LARGE1: variants seen among roughly 807,000 people sequenced by gnomAD.
LARGE1 encodes xylosyl- and glucuronyltransferase LARGE1.
In LARGE1, 43 loss-of-function variants were observed where a neutral mutation model predicts 87.6. That is an observed-to-expected ratio of 0.49 (90% CI 0.38 to 0.63). LARGE1 has a LOEUF of 0.63. LARGE1 is among the 30% of genes least tolerant of loss of function. The pLI, the probability that LARGE1 is intolerant of heterozygous loss-of-function variation, is 0.00. For synonymous variants in LARGE1, 434 were observed against 394.6 expected (o/e 1.10, Z -1.18); for missense variants, 802 against 1,000.2 (o/e 0.80, Z 2.67).
chr22:33,556,262 GTTT>G (rs2077673527), intron 6 of LARGE1, among the ~76,000 whole-genome samples: 1 of 151,966 alleles, frequency 6.6e-6, no homozygotes, highest in Non-Finnish European at 1.5e-5. Context: ...TTCAGCCCAG[GTTT>G]TGCCACTAAC....
chr22:33,575,336 A>G (rs978651894), intron 5 of LARGE1, among the ~76,000 whole-genome samples: 1 of 152,204 alleles, frequency 6.6e-6, no homozygotes, highest in Non-Finnish European at 1.5e-5. Flanking sequence ...TTTCTCAAAT[A>G]TTAATAAAAG....
intron 6 of LARGE1, among the ~76,000 whole-genome samples, chr22:33,465,173 G>A (rs912228786): frequency 1.3e-4 from 20 of 152,284 alleles, no homozygotes; most frequent in South Asian, 6.2e-4. Flanking sequence ...TCTCACTAAC[G>A]TAATTTGAGC....
chr22:33,572,824 C>T (rs962176918), intron 5 of LARGE1, among the ~76,000 whole-genome samples: 1 of 151,966 alleles, frequency 6.6e-6, no homozygotes, highest in African/African-American at 2.4e-5. Context: ...GAGCCAAGAT[C>T]GTGCCACTAC....
At chr22:33,358,947 G>A (rs1452318929) in intron 9 of LARGE1, among the ~76,000 whole-genome samples, 1 of 151,176 alleles carries the variant, frequency 6.6e-6, no homozygotes, top group East Asian at 1.9e-4. Flanking sequence ...GAAGTGAGCC[G>A]AGACTGCACT....
intron 7 of LARGE1, among the ~76,000 whole-genome samples, chr22:33,401,003 G>A (rs970790189): frequency 2.0e-5 from 3 of 152,116 alleles, no homozygotes; most frequent in Non-Finnish European, 4.4e-5. Flanking sequence ...CTGGTGGCTG[G>A]TTCCTGATCG....
chr22:33,758,100 C>T (rs1460796774), intron 2 of LARGE1, among the ~76,000 whole-genome samples: 3 of 152,204 alleles, frequency 2.0e-5, no homozygotes, highest in Non-Finnish European at 2.9e-5. Context: ...GCATGATCCT[C>T]ATTATGAGGA....
intron 4 of LARGE1, among the ~76,000 whole-genome samples, chr22:33,612,834 T>A (rs1167588700): frequency 6.6e-6 from 1 of 152,106 alleles, no homozygotes; most frequent in Non-Finnish European, 1.5e-5. Flanking sequence ...TTTAACCTGG[T>A]TACAGAGCAG....
At chr22:33,309,643 C>A (rs1935342905) in intron 11 of LARGE1, among the ~76,000 whole-genome samples, 1 of 152,150 alleles carries the variant, frequency 6.6e-6, no homozygotes, top group African/African-American at 2.4e-5. Context: ...TTCCATTGTT[C>A]ATATATCAAA....
chr22:33,292,953 T>C (rs1932800672), intron 12 of LARGE1, among the ~76,000 whole-genome samples: 2 of 152,204 alleles, frequency 1.3e-5, no homozygotes, highest in Admixed American at 1.3e-4. Context: ...CATCAATTAA[T>C]GAATATTAAT....
chr22:33,532,744 C>G (rs2076935058), intron 6 of LARGE1, among the ~76,000 whole-genome samples: 1 of 152,188 alleles, frequency 6.6e-6, no homozygotes, highest in African/African-American at 2.4e-5. Flanking sequence ...AGAATGCAAG[C>G]AAGAATTCAG....
chr22:33,185,064 G>A (rs137387), intron 11 of LARGE1, among the ~76,000 whole-genome samples: 68,905 of 151,858 alleles, frequency 0.45, 15,969 homozygotes, highest in Middle Eastern at 0.51. Context: ...ATTTATCTAA[G>A]TGAATTAAAA....
chr22:33,552,992 C>A (rs377162589), intron 6 of LARGE1, among the ~76,000 whole-genome samples: 2 of 152,300 alleles, frequency 1.3e-5, no homozygotes, highest in East Asian at 3.9e-4. Flanking sequence ...CCTGTACTTT[C>A]CCCACTGAGA....
chr22:33,277,248 C>G lies in LARGE1; in HGVS notation c.1885G>C (p.Val629Leu). 6.2e-7 allele frequency: 1 copy of G among 1,614,142 alleles called. No individual in the cohort carries two copies. Among genetic ancestry groups the G allele is most frequent in the Non-Finnish European group, 8.5e-7 (1 of 1,180,004 alleles). ...MGTLFTFRYH[V>L]WTKGHAPTNF... ...GTGGGTGCGTGGCCTTTCGTCCAGACGTGGTACCTGAGACACACGGAGAAA... is the reference window on the plus strand; with the variant it reads ...GTGGGTGCGTGGCCTTTCGTCCAGAGGTGGTACCTGAGACACACGGAGAAA... The change falls in exon 14 of 15, where the codon GTC becomes CTC. Residue 629 changes from valine (V) to leucine (L), a missense_variant. By Grantham distance (32) the Val-to-Leu change is conservative (BLOSUM62 1). This residue lies in a region of LARGE1 where 625 missense variants were observed against 841.9 expected (regional missense o/e 0.74). Transcript: ENST00000397394.
At chr22:33,569,570 A>G (rs1602486893) in intron 5 of LARGE1, among the ~76,000 whole-genome samples, 1 of 152,342 alleles carries the variant, frequency 6.6e-6, no homozygotes, top group Non-Finnish European at 1.5e-5. Flanking sequence ...GGAAAGAACA[A>G]GTGGTAAGAA....
At chr22:33,859,957 G>A (rs910418554) in intron 1 of LARGE1, among the ~76,000 whole-genome samples, 2 of 152,140 alleles carry the variant, frequency 1.3e-5, no homozygotes, top group African/African-American at 4.8e-5. Context: ...CTTGCCAGGG[G>A]CTGGGAGGAG....
chr22:33,120,147 T>G, the LARGE1 span, among the ~76,000 whole-genome samples: 1 of 152,192 alleles, frequency 6.6e-6, no homozygotes, highest in South Asian at 2.1e-4. Flanking sequence ...AGTAAATATA[T>G]ATACATACAC....
At chr22:33,073,653 G>C in the LARGE1 span, among the ~76,000 whole-genome samples, 2 of 151,890 alleles carry the variant, frequency 1.3e-5, no homozygotes, top group African/African-American at 4.8e-5. Context: ...GGATCTCTGA[G>C]CCTGGCTTCC....
At chr22:33,795,151 T>A (rs1344715357) in intron 1 of LARGE1, among the ~76,000 whole-genome samples, 1 of 152,216 alleles carries the variant, frequency 6.6e-6, no homozygotes, top group African/African-American at 2.4e-5. Context: ...TAATCTGGTA[T>A]AAATTAATCC....
chr22:33,906,464 TGAG>T (rs2065460110), intron 1 of LARGE1, among the ~76,000 whole-genome samples: 1 of 152,230 alleles, frequency 6.6e-6, no homozygotes, highest in African/African-American at 2.4e-5. Context: ...CTTTATTGCT[TGAG>T]CAAATAACCT....
Sources: allele counts gnomAD v4.1 joint callset (sites outside exome capture counted in the v4.1 genomes callset), GRCh38; gene constraint gnomAD v4.1.1; regional missense constraint gnomAD v4.1.1; transcripts MANE v1.5; gene names NCBI Gene and HGNC (gene_info 2026-07-23, HGNC 2026-07-21).